ARHGAP15: variants seen among roughly 807,000 people sequenced by gnomAD.
ARHGAP15 encodes rho GTPase-activating protein 15.
ARHGAP15 carries 51 observed loss-of-function variants against 63.7 expected under a neutral mutation model. That is an observed-to-expected ratio of 0.80 (90% CI 0.64 to 1.01). The LOEUF (loss-of-function observed/expected upper bound fraction) is 1.01, where lower values mean the gene tolerates loss of function less well. Among genes scored for constraint, ARHGAP15 ranks in the 50% least tolerant of loss-of-function variants. The probability of loss-of-function intolerance (pLI) is 0.00; values close to 1 mark genes in which losing one functional copy is unlikely to be tolerated. For missense variants in ARHGAP15, 560 were observed against 564.6 expected (o/e 0.99, Z 0.08); for synonymous variants, 191 against 193.8 (o/e 0.99, Z 0.12).
intron 12 of ARHGAP15, among the ~76,000 whole-genome samples, chr2:143,636,829 G>A (rs11679600): frequency 0.25 from 38,181 of 151,948 alleles, 5,962 homozygotes; most frequent in Admixed American, 0.36. Context: ...GGAAGCTATA[G>A]CAAAATACCA....
At chr2:143,391,926 TGTG>T (rs1445724614) in intron 6 of ARHGAP15, among the ~76,000 whole-genome samples, 2 of 152,190 alleles carry the variant, frequency 1.3e-5, no homozygotes, top group Non-Finnish European at 2.9e-5. Context: ...AGGTTATTCT[TGTG>T]GTACTTCAGG....
chr2:143,703,643 T>C, intron 13 of ARHGAP15, 119 bp downstream of exon 13: 1 of 708,748 alleles, frequency 1.4e-6, no homozygotes. Flanking sequence ...TTTTCCCTTG[T>C]AGCTGAACTA....
At chr2:143,763,747 T>C (rs1439586340) in intron 13 of ARHGAP15, among the ~76,000 whole-genome samples, 1 of 147,646 alleles carries the variant, frequency 6.8e-6, no homozygotes. Flanking sequence ...TGTATGTATA[T>C]GTATATGTAT....
chr2:143,253,516 A>T (rs1341597774), intron 6 of ARHGAP15, among the ~76,000 whole-genome samples: 1 of 152,144 alleles, frequency 6.6e-6, no homozygotes, highest in Non-Finnish European at 1.5e-5. Flanking sequence ...GTGGAAACAT[A>T]ACAATGACAA....
intron 9 of ARHGAP15, among the ~76,000 whole-genome samples, chr2:143,507,444 C>T (rs1199989811): frequency 6.6e-6 from 1 of 152,100 alleles, no homozygotes; most frequent in Non-Finnish European, 1.5e-5. Flanking sequence ...CAGTGAGTGC[C>T]CCTTTGGTGG....
chr2:143,402,265 A>T (rs1184182380), intron 6 of ARHGAP15, among the ~76,000 whole-genome samples: 1 of 151,916 alleles, frequency 6.6e-6, no homozygotes, highest in African/African-American at 2.4e-5. Context: ...GATATAAAAA[A>T]TGCAGGATAC....
intron 12 of ARHGAP15, among the ~76,000 whole-genome samples, chr2:143,684,939 T>C (rs1559125014): frequency 6.6e-6 from 1 of 152,172 alleles, no homozygotes; most frequent in Non-Finnish European, 1.5e-5. Flanking sequence ...GCAGAATAAT[T>C]AATGAATGGT....
intron 3 of ARHGAP15, among the ~76,000 whole-genome samples, chr2:143,203,029 T>C (rs1692183587): frequency 6.6e-6 from 1 of 152,150 alleles, no homozygotes; most frequent in Non-Finnish European, 1.5e-5. Flanking sequence ...TCTATGCTCA[T>C]TCAACTTGTC....
chr2:143,677,503 A>G (rs1682886411), intron 12 of ARHGAP15, among the ~76,000 whole-genome samples: 1 of 152,160 alleles, frequency 6.6e-6, no homozygotes, highest in Non-Finnish European at 1.5e-5. Flanking sequence ...TCTGTGTCAT[A>G]TCACCCCTCC....
intron 12 of ARHGAP15, among the ~76,000 whole-genome samples, chr2:143,639,421 C>G (rs1019138153): frequency 2.0e-5 from 3 of 152,064 alleles, no homozygotes; most frequent in Non-Finnish European, 2.9e-5. Context: ...AAATAAGCAC[C>G]AGTGAAATTC....
rs118163947 is a variant in ARHGAP15 at position 143,745,350 on chromosome 2, G to A, written c.1245-22639G>A. Among the ~76,000 whole-genome samples, 7 of 152,310 alleles carry A rather than the reference G, an allele frequency of 4.6e-5. No individual in the cohort carries two copies. In the East Asian group the frequency reaches 1.3e-3, roughly 29 times the overall value. ...CACCTTCAGGGTCCTTTCTCACAGA[G>A]CAGGCAGCCACCATCAGCCAGGTGA... is the stretch of plus-strand genomic sequence containing the variant. On this transcript the variant is annotated intron_variant, in intron 13 of 13. Transcript: ENST00000295095.
chr2:143,269,683 G>GT (rs35826732), intron 6 of ARHGAP15, among the ~76,000 whole-genome samples: 23 of 151,182 alleles, frequency 1.5e-4, no homozygotes, highest in African/African-American at 4.9e-4. Flanking sequence ...AAATGTGTTA[G>GT]TTTTTTTTTA....
At chr2:143,715,017 A>T (rs1442430848) in intron 13 of ARHGAP15, among the ~76,000 whole-genome samples, 1 of 152,058 alleles carries the variant, frequency 6.6e-6, no homozygotes. Context: ...GCCCCACTCT[A>T]TTAGTACCAA....
intron 9 of ARHGAP15, among the ~76,000 whole-genome samples, chr2:143,505,667 A>T (rs1693277533): frequency 6.6e-6 from 1 of 152,226 alleles, no homozygotes; most frequent in African/African-American, 2.4e-5. Flanking sequence ...AGTAGAGGTT[A>T]CATCACACCT....
chr2:143,270,584 G>C (rs927857149), intron 6 of ARHGAP15, among the ~76,000 whole-genome samples: 3 of 152,138 alleles, frequency 2.0e-5, no homozygotes, highest in Admixed American at 6.5e-5. Flanking sequence ...CTAATGTTTC[G>C]TGATGCTTAT....
chr2:143,386,222 G>A (rs560399061), intron 6 of ARHGAP15, among the ~76,000 whole-genome samples: 1 of 152,190 alleles, frequency 6.6e-6, no homozygotes, highest in East Asian at 1.9e-4. Context: ...CAGGTTGGAT[G>A]TTATAAACTA....
chr2:143,625,465 T>TTGCTGCTGC (rs141782073), intron 12 of ARHGAP15, among the ~76,000 whole-genome samples: 2 of 151,312 alleles, frequency 1.3e-5, no homozygotes, highest in Non-Finnish European at 2.9e-5. Context: ...GTTGTTGCTA[T>TTGCTGCTGC]TGCTGCTGCT....
chr2:143,405,149 T>C lies in ARHGAP15; in HGVS notation c.475-30452T>C, dbSNP rs1489205433. Among the ~76,000 whole-genome samples the C allele has an allele frequency of 3.3e-5, 5 of 152,094 alleles. No homozygotes were observed. The South Asian group carries it at 8.3e-4, about 25-fold the overall frequency. ...AATGCAAATAAATCTTTTTATCAAA[T>C]TCTATATCAATTTAATGTGTGATAG... is the stretch of plus-strand genomic sequence containing the variant. On this transcript the variant is annotated intron_variant, in intron 6 of 13. Coordinates refer to ENST00000295095, the MANE Select transcript of ARHGAP15 (RefSeq NM_018460.4).
intron 6 of ARHGAP15, among the ~76,000 whole-genome samples, chr2:143,427,526 C>A (rs1183690108): frequency 4.0e-5 from 6 of 151,674 alleles, no homozygotes; most frequent in Admixed American, 3.3e-4. Flanking sequence ...TCCCAATTAC[C>A]AAAGCCTATA....
Sources: gnomAD v4.1 joint callset for allele counts (sites outside exome capture counted in the v4.1 genomes callset) on GRCh38, gnomAD v4.1.1 for gene constraint, MANE v1.5 for transcripts, NCBI Gene and HGNC (gene_info 2026-07-23, HGNC 2026-07-21) for gene names.